Variants in NOSIP observed in about 807,000 individuals in gnomAD.
The protein encoded by NOSIP is nitric oxide synthase interacting protein.
A neutral mutation model predicts 36.4 loss-of-function variants in NOSIP; 25 were observed. That is an observed-to-expected ratio of 0.69 (90% confidence interval 0.50 to 0.96). The LOEUF is 0.96. Among genes scored for constraint, NOSIP ranks in the 40% least tolerant of loss-of-function variants. The probability of loss-of-function intolerance (pLI) is 0.00; values close to 1 mark genes in which losing one functional copy is unlikely to be tolerated. For synonymous variants in NOSIP, 187 were observed against 179.2 expected, an observed-to-expected ratio of 1.04 and a Z score of -0.35; for missense variants, 370 against 429.0, an observed-to-expected ratio of 0.86 and a Z score of 1.21.
chr19:49,556,236 AG>A, intron 8 of NOSIP, 80 bp downstream of exon 8: 1 of 375,638 alleles, frequency 2.7e-6, no homozygotes, highest in Non-Finnish European at 4.4e-6. Flanking sequence ...GGGGAAGGGG[AG>A]GGGACGAAGC....
intron 1 of NOSIP, among the ~76,000 whole-genome samples, chr19:49,567,216 G>A (rs1484637574): frequency 6.8e-6 from 1 of 147,344 alleles, no homozygotes; most frequent in South Asian, 2.1e-4. Flanking sequence ...TCCACCTCCC[G>A]GGTTCACGCC....
intron 4 of NOSIP, chr19:49,558,501 C>T (rs557718425): frequency 2.7e-4 from 44 of 165,254 alleles, no homozygotes; most frequent in Non-Finnish European, 4.9e-4. Context: ...TCAAGTGATC[C>T]GCCTGCCTCG....
In NOSIP at chr19:49,557,205, C is replaced by T. The variant is rs1407979954; in HGVS notation, c.303G>A (p.Glu101=). 4 of 1,602,368 alleles carry T rather than the reference C, an allele frequency of 2.5e-6. No homozygotes were observed. Among genetic ancestry groups the T allele is most frequent in the Non-Finnish European group, 3.4e-6 (4 of 1,175,164 alleles). ...GGTCCTGCGAGGCCGCCCGCTGAAG[C>T]TCCTTCTGCTCCTCGCGCCGGGTGC... ...QRGTRREEQK[E]LQRAASQDHV... is the part of the protein sequence containing the mutation. The change falls in exon 5 of 9, where the codon GAG becomes GAA. Residue 101 remains glutamate (E), a synonymous_variant. Transcript: ENST00000596358.
Position 49,556,998 on chromosome 19 carries a change from G to T in NOSIP, c.419-5C>A, listed in dbSNP as rs376575345. On this transcript the variant is annotated splice_polypyrimidine_tract_variant and splice_region_variant and intron_variant, in intron 5 of 8. Coordinates refer to ENST00000596358, the MANE Select transcript of NOSIP (RefSeq NM_001270960.2). Reference sequence around the variant, plus strand: ...TGGGCCCAGGTTGGACATCATCTGTGGGGGAAGGAAGGGACTCAGATGCCG... The same window carrying T: ...TGGGCCCAGGTTGGACATCATCTGTTGGGGAAGGAAGGGACTCAGATGCCG... 2 of 1,604,452 alleles carry T rather than the reference G, an allele frequency of 1.2e-6. No homozygotes were observed. Among genetic ancestry groups the T allele is most frequent in the African/African-American group, 1.3e-5 (1 of 74,910 alleles).
Position 49,560,833 on chromosome 19 carries a change from A to C in NOSIP, c.-1-141T>G. 2.9e-6 allele frequency: 2 copies of C among 687,798 alleles called. No individual in the cohort carries two copies. Among genetic ancestry groups the C allele is most frequent in the Non-Finnish European group, 5.1e-6 (2 of 389,258 alleles). The allele number at this position is 687,798 out of a possible 1,614,324, so 42.6% of individuals were successfully genotyped here. ...AAGGGGGGTGAGGTGGAAGAGAGGG[A>C]GGGCATGTGGTCGCCAGGCCTCCTC... On this transcript the variant is annotated intron_variant, in intron 1 of 8. Coordinates refer to ENST00000596358, the MANE Select transcript of NOSIP (RefSeq NM_001270960.2). The surrounding 1 kb of genome is among the most constrained non-coding windows in gnomAD (Gnocchi z 4.6).
intron 1 of NOSIP, among the ~76,000 whole-genome samples, chr19:49,577,228 T>A (rs945851052): frequency 2.0e-5 from 3 of 152,206 alleles, no homozygotes; most frequent in African/African-American, 7.2e-5. Context: ...AGTCACCTTT[T>A]GACCCAGCAA....
chr19:49,560,195 G>A lies in NOSIP; in HGVS notation c.71-156C>T. ...TGGGAGCCGCTGCCTGTGTGCTGGG[G>A]CCACGGGCTGAACCCACAGGGAGTT... On this transcript the variant is annotated intron_variant, in intron 2 of 8. Transcript: ENST00000596358. This position sits in a 1 kb window ranked among gnomAD's most constrained non-coding sequence, Gnocchi z 4.6. The A allele has an allele frequency of 1.6e-6, 1 of 613,058 alleles. No homozygotes were observed. The highest frequency in any genetic ancestry group is 1.9e-5 in the South Asian group (1 of 51,918). 38.0% of individuals were successfully genotyped at this position (613,058 alleles called of 1,614,324 possible).
chr19:49,575,586 A>G (rs192917416), intron 1 of NOSIP, among the ~76,000 whole-genome samples: 8 of 152,290 alleles, frequency 5.3e-5, no homozygotes, highest in Non-Finnish European at 1.2e-4. Flanking sequence ...CAATTTCCTG[A>G]TTCTAGGAAG....
intron 1 of NOSIP, among the ~76,000 whole-genome samples, chr19:49,567,728 A>G (rs966915045): frequency 1.3e-5 from 2 of 151,904 alleles, no homozygotes; most frequent in African/African-American, 4.8e-5. Context: ...GGAGTGTAGT[A>G]GCATGATCTC....
chr19:49,568,548 A>G (rs554605837), intron 1 of NOSIP, among the ~76,000 whole-genome samples: 8 of 152,198 alleles, frequency 5.3e-5, no homozygotes, highest in Admixed American at 2.6e-4. Context: ...TATCAACTGC[A>G]TTGGAATAAA....
At chr19:49,557,596 C>A (rs906494696) in intron 4 of NOSIP, 4 of 1,174,440 alleles carry the variant, frequency 3.4e-6, no homozygotes, top group Non-Finnish European at 4.2e-6. Flanking sequence ...AGAGCCTCAC[C>A]TGGCACTCAG....
At chr19:49,566,617 T>C (rs983028315) in intron 1 of NOSIP, 2 of 151,960 alleles carry the variant, frequency 1.3e-5, no homozygotes, top group African/African-American at 4.8e-5. Flanking sequence ...TTAAGATAAA[T>C]TTTAAAAGTG....
At chr19:49,575,947 C>T (rs1189331106) in intron 1 of NOSIP, among the ~76,000 whole-genome samples, 2 of 152,070 alleles carry the variant, frequency 1.3e-5, no homozygotes, top group African/African-American at 2.4e-5. Flanking sequence ...CTGACTAACA[C>T]GGTGAAACCC....
chr19:49,566,819 T>C (rs2080415336), intron 1 of NOSIP: 1 of 115,466 alleles, frequency 8.7e-6, no homozygotes, highest in African/African-American at 4.4e-5. Context: ...ACACATACTA[T>C]TTTTTTTTTT....
At chr19:49,556,268 G>T in intron 8 of NOSIP, 49 bp downstream of exon 8, 1 of 1,188,594 alleles carries the variant, frequency 8.4e-7, no homozygotes, top group Non-Finnish European at 1.2e-6. Context: ...GTGAAGGGGA[G>T]GGGCGGGGCC....
chr19:49,565,138 T>C (rs1195090688), intron 1 of NOSIP, among the ~76,000 whole-genome samples: 1 of 151,956 alleles, frequency 6.6e-6, no homozygotes, highest in Non-Finnish European at 1.5e-5. Flanking sequence ...TAGCTGGGCA[T>C]GGTGGTGCAT....
At chr19:49,563,892 G>T (rs1363472056) in intron 1 of NOSIP, among the ~76,000 whole-genome samples, 1 of 152,116 alleles carries the variant, frequency 6.6e-6, no homozygotes, top group African/African-American at 2.4e-5. Context: ...ATTGTTCCTA[G>T]GCTATAAGAG....
intron 1 of NOSIP, among the ~76,000 whole-genome samples, chr19:49,578,304 A>G (rs533445779): frequency 6.6e-6 from 1 of 151,728 alleles, no homozygotes; most frequent in Admixed American, 6.6e-5. Context: ...TTGTATTTTT[A>G]GTAGAGATGA....
intron 1 of NOSIP, among the ~76,000 whole-genome samples, chr19:49,568,792 AAAAT>A (rs2080443665): frequency 7.3e-6 from 1 of 137,678 alleles, no homozygotes; most frequent in African/African-American, 3.3e-5. Context: ...AAAAAAAAAA[AAAAT>A]AGTTTGTTTG....
Sources: gnomAD v4.1 joint callset for allele counts (sites outside exome capture counted in the v4.1 genomes callset) on GRCh38, gnomAD v4.1.1 for gene constraint, Gnocchi (gnomAD v3.1) non-coding constraint, MANE v1.5 for transcripts, NCBI Gene and HGNC (gene_info 2026-07-23, HGNC 2026-07-21) for gene names.